The following CCDC148 variants were observed in gnomAD, a reference collection of about 807,000 sequenced individuals.
CCDC148 encodes the protein coiled-coil domain containing 148.
CCDC148 carries 89 observed loss-of-function variants against 85.7 expected under a neutral mutation model. The ratio of observed to expected loss-of-function variants is 1.04; its 90% CI spans 0.87 to 1.24. The LOEUF is 1.24. CCDC148 is among the 50% of genes most tolerant of loss of function. The probability of loss-of-function intolerance (pLI) is 0.00; values close to 1 mark genes in which losing one functional copy is unlikely to be tolerated. For synonymous variants in CCDC148, 230 were observed against 213.9 expected (o/e 1.08, Z -0.66); for missense variants, 692 against 671.7 (o/e 1.03, Z -0.33).
At chr2:158,331,765 CTTCT>C (rs1693140581) in intron 7 of CCDC148, among the ~76,000 whole-genome samples, 3 of 152,150 alleles carry the variant, frequency 2.0e-5, no homozygotes, top group Admixed American at 6.5e-5. Context: ...ATGTAATCAC[CTTCT>C]TTGTCTCTTT....
Position 158,443,624 on chromosome 2 carries a change from G to A in CCDC148, c.25+12791C>T, listed in dbSNP as rs568513668. Among the ~76,000 whole-genome samples the A allele has an allele frequency of 1.1e-3, 161 of 151,994 alleles. 1 individual carries two copies. The highest frequency in any genetic ancestry group is 3.7e-3 in the African/African-American group (152 of 41,462). On this transcript the variant is annotated intron_variant, in intron 1 of 13. Coordinates refer to ENST00000283233, the MANE Select transcript of CCDC148 (RefSeq NM_138803.4). The stretch of plus-strand genomic sequence containing the variant: ...GATGAAAATAGACTTAAGGGCTATA[G>A]CAATGTGATAAACATATTTGGGAAA...
At chr2:158,210,787 C>CAAAAAAAAAA (rs34273946) in intron 11 of CCDC148, among the ~76,000 whole-genome samples, 464 of 88,402 alleles carry the variant, frequency 5.2e-3, no homozygotes, top group Middle Eastern at 8.8e-3. Flanking sequence ...ACTAAAAATA[C>CAAAAAAAAAA]AAAAAAAAAA....
At chr2:158,369,694 C>T (rs568965175) in intron 1 of CCDC148, among the ~76,000 whole-genome samples, 2 of 152,230 alleles carry the variant, frequency 1.3e-5, no homozygotes, top group East Asian at 3.9e-4. Context: ...CTGGTCAGAA[C>T]TTCCAATACT....
chr2:158,438,783 A>G (rs934396020), intron 1 of CCDC148, among the ~76,000 whole-genome samples: 1 of 152,236 alleles, frequency 6.6e-6, no homozygotes, highest in Non-Finnish European at 1.5e-5. Context: ...TTACAAGAAA[A>G]AAACGAACAA....
chr2:158,258,701 T>C (rs765607297), intron 9 of CCDC148, among the ~76,000 whole-genome samples: 1 of 151,770 alleles, frequency 6.6e-6, no homozygotes, highest in Non-Finnish European at 1.5e-5. Context: ...CATTCAGTTC[T>C]CTCTATCTCC....
intron 11 of CCDC148, among the ~76,000 whole-genome samples, chr2:158,219,436 T>G (rs1687056475): frequency 2.6e-5 from 4 of 152,288 alleles, no homozygotes; most frequent in Middle Eastern, 3.4e-3. Context: ...GGCAAAATAT[T>G]AAGCAGTGTC....
chr2:158,399,764 G>A (rs1685691232), intron 1 of CCDC148, among the ~76,000 whole-genome samples: 2 of 152,148 alleles, frequency 1.3e-5, no homozygotes, highest in Admixed American at 1.3e-4. Flanking sequence ...AGTATTGGAA[G>A]TTCTGGCCAG....
chr2:158,277,027 G>T (rs984896753), intron 9 of CCDC148, among the ~76,000 whole-genome samples: 9 of 152,208 alleles, frequency 5.9e-5, no homozygotes, highest in African/African-American at 2.2e-4. Context: ...CAGAAGTTTA[G>T]AGCTGGAGAT....
At chr2:158,453,290 G>A (rs1376970422) in intron 1 of CCDC148, among the ~76,000 whole-genome samples, 1 of 152,192 alleles carries the variant, frequency 6.6e-6, no homozygotes, top group Non-Finnish European at 1.5e-5. Context: ...CTCTCAAGAA[G>A]GGGGAAGGCC....
intron 11 of CCDC148, among the ~76,000 whole-genome samples, chr2:158,211,957 C>T (rs1366548416): frequency 6.6e-6 from 1 of 152,064 alleles, no homozygotes; most frequent in Non-Finnish European, 1.5e-5. Context: ...TATCCATGTC[C>T]CAATGTATGA....
intron 9 of CCDC148, among the ~76,000 whole-genome samples, chr2:158,301,129 G>T (rs1306295990): frequency 6.6e-6 from 1 of 152,132 alleles, no homozygotes; most frequent in Non-Finnish European, 1.5e-5. Context: ...AAAGCACTGG[G>T]ATTACATATA....
chr2:158,187,820 T>A (rs959150715), intron 11 of CCDC148, among the ~76,000 whole-genome samples: 4 of 152,054 alleles, frequency 2.6e-5, no homozygotes, highest in African/African-American at 9.7e-5. Flanking sequence ...TGCACAAATA[T>A]CTGCAGCCTC....
At chr2:158,276,695 C>T (rs892214794) in intron 9 of CCDC148, among the ~76,000 whole-genome samples, 15 of 152,146 alleles carry the variant, frequency 9.9e-5, no homozygotes, top group African/African-American at 3.4e-4. Flanking sequence ...ACAGCATTTC[C>T]TTTATCACTG....
intron 1 of CCDC148, among the ~76,000 whole-genome samples, chr2:158,448,591 C>T (rs145616304): frequency 2.6e-5 from 4 of 152,126 alleles, no homozygotes; most frequent in East Asian, 1.9e-4. Context: ...CAATCCACCC[C>T]GCTCGGCCTT....
intron 9 of CCDC148, among the ~76,000 whole-genome samples, chr2:158,303,302 G>T (rs1286605799): frequency 6.6e-6 from 1 of 152,126 alleles, no homozygotes; most frequent in African/African-American, 2.4e-5. Flanking sequence ...GGAGCCTACA[G>T]TATAATAAAT....
At chr2:158,244,836 C>T (rs977838561) in intron 10 of CCDC148, among the ~76,000 whole-genome samples, 2 of 152,056 alleles carry the variant, frequency 1.3e-5, no homozygotes, top group Admixed American at 1.3e-4. Context: ...ACCTTAGAAG[C>T]CTACTTATTT....
intron 11 of CCDC148, among the ~76,000 whole-genome samples, chr2:158,213,686 G>A (rs1242086668): frequency 1.3e-5 from 2 of 152,114 alleles, no homozygotes; most frequent in African/African-American, 4.8e-5. Flanking sequence ...AATGAGATAT[G>A]ACCGTTACAT....
At chr2:158,175,379 A>T (rs915032923) in intron 13 of CCDC148, among the ~76,000 whole-genome samples, 2 of 151,936 alleles carry the variant, frequency 1.3e-5, no homozygotes, top group Non-Finnish European at 2.9e-5. Context: ...GGATTTTGCT[A>T]CTGCTTCCAA....
At chr2:158,275,111 T>C (rs1689868787) in intron 9 of CCDC148, among the ~76,000 whole-genome samples, 1 of 152,242 alleles carries the variant, frequency 6.6e-6, no homozygotes, top group Non-Finnish European at 1.5e-5. Flanking sequence ...CTGAGCAGCA[T>C]TCTCCCCTTC....
Sources: allele counts gnomAD v4.1 joint callset (sites outside exome capture counted in the v4.1 genomes callset), GRCh38; gene constraint gnomAD v4.1.1; transcripts MANE v1.5; gene names NCBI Gene and HGNC (gene_info 2026-07-23, HGNC 2026-07-21).